Variants in SPATA13 observed in about 807,000 individuals in gnomAD.
SPATA13 encodes spermatogenesis associated 13.
SPATA13 carries 50 observed loss-of-function variants against 104.0 expected under a neutral mutation model. The ratio of observed to expected loss-of-function variants is 0.48; its 90% CI spans 0.38 to 0.61. The LOEUF (loss-of-function observed/expected upper bound fraction) is 0.61, where lower values mean the gene tolerates loss of function less well. Ranked by LOEUF, SPATA13 falls within the 20% of genes least tolerant of loss-of-function variation. The pLI is 0.00. For synonymous variants in SPATA13, 606 were observed against 667.5 expected, an observed-to-expected ratio of 0.91 and a Z score of 1.42; for missense variants, 1,524 against 1,690.6, an observed-to-expected ratio of 0.90 and a Z score of 1.73.
chr13:24,179,614 C>CTGG lies in SPATA13; in HGVS notation c.-112+18682_-112+18683insTGG, dbSNP rs1346048520. 2.0e-5 allele frequency among the ~76,000 whole-genome samples: 3 copies of CTGG among 152,246 alleles called. No individual in the cohort carries two copies. In the East Asian group the frequency reaches 5.8e-4, roughly 29 times the overall value. On this transcript the variant is annotated intron_variant, in intron 1 of 12. Transcript: ENST00000382108. Reference sequence around the variant, plus strand: ...GATTAAATGCAAGTCCCTATTTATCCCACTCCCAGCCCCTGGCAACCTCTA... The same window carrying CTGG: ...GATTAAATGCAAGTCCCTATTTATCCTGGCACTCCCAGCCCCTGGCAACCTCTA...
At chr13:24,048,602 G>T (rs542219605) in intron 3 of SPATA13, among the ~76,000 whole-genome samples, 1 of 151,670 alleles carries the variant, frequency 6.6e-6, no homozygotes, top group African/African-American at 2.4e-5. Context: ...CTAAAATTCA[G>T]TTAGGTTCTT....
intron 4 of SPATA13, among the ~76,000 whole-genome samples, chr13:24,278,390 G>A (rs1271910240): frequency 6.6e-6 from 1 of 152,092 alleles, no homozygotes. Flanking sequence ...GCTTAAATCA[G>A]TGCCTAGCAC....
In SPATA13 at chr13:24,133,093, CG is replaced by C. The variant is rs1191929361; in HGVS notation, c.-111-89725del. 2.0e-5 allele frequency among the ~76,000 whole-genome samples: 3 copies of C among 152,294 alleles called. No homozygotes were observed. The East Asian group carries it at 5.8e-4, about 29-fold the overall frequency. ...AGCCAACATTAGCAATGGATTCCCA[CG>C]TATTTCCAGCGGGCAGGTGGGTCCA... On this transcript the variant is annotated intron_variant, in intron 3 of 14. Transcript: ENST00000424834.
upstream of SPATA13, among the ~76,000 whole-genome samples, chr13:24,158,114 C>T (rs1882317573): frequency 6.6e-6 from 1 of 152,216 alleles, no homozygotes; most frequent in African/African-American, 2.4e-5. Context: ...TCCTTAGACA[C>T]TCTCCTGCAG....
intron 2 of SPATA13, among the ~76,000 whole-genome samples, chr13:24,239,750 G>A (rs1872745148): frequency 1.4e-5 from 2 of 140,550 alleles, no homozygotes; most frequent in Admixed American, 7.2e-5. Flanking sequence ...CATATTCAGA[G>A]CTAAAATATG....
chr13:24,296,726 C>T lies in SPATA13; in HGVS notation c.3211-637C>T, dbSNP rs1876808848. 1.3e-5 allele frequency among the ~76,000 whole-genome samples: 2 copies of T among 152,092 alleles called. 1 individual carries two copies. The highest frequency in any genetic ancestry group is 4.1e-4 in the South Asian group (2 of 4,822). On this transcript the variant is annotated intron_variant, in intron 10 of 12. Coordinates refer to ENST00000382108, the MANE Select transcript of SPATA13 (RefSeq NM_001166271.3). ...TCTTGACTGGGTTCCATTAATTCAG[C>T]ATGCCTCTTACCAGAGGCTTCAGGC...
chr13:24,008,170 G>A (rs141475169), intron 2 of SPATA13, among the ~76,000 whole-genome samples: 126 of 152,312 alleles, frequency 8.3e-4, no homozygotes, highest in East Asian at 2.9e-3. Context: ...GTGTGCCCTC[G>A]GGTCATTTAT....
At chr13:24,062,144 A>G (rs1352737480) in intron 3 of SPATA13, among the ~76,000 whole-genome samples, 1 of 152,216 alleles carries the variant, frequency 6.6e-6, no homozygotes, top group Admixed American at 6.5e-5. Context: ...GAATTCTAAC[A>G]GGTCTGTTTG....
intron 1 of SPATA13, among the ~76,000 whole-genome samples, chr13:24,219,170 A>G (rs1461897211): frequency 2.0e-5 from 3 of 152,180 alleles, no homozygotes; most frequent in Non-Finnish European, 4.4e-5. Flanking sequence ...AAAACCACTA[A>G]TTGAATTGCA....
At chr13:24,104,937 A>G (rs2137806151) in intron 3 of SPATA13, among the ~76,000 whole-genome samples, 1 of 152,216 alleles carries the variant, frequency 6.6e-6, no homozygotes, top group Admixed American at 6.5e-5. Context: ...CTTTTCTAGA[A>G]TGGTGTCATC....
chr13:24,292,118 G>C (rs1293238423), intron 9 of SPATA13, among the ~76,000 whole-genome samples: 1 of 152,208 alleles, frequency 6.6e-6, no homozygotes, highest in Non-Finnish European at 1.5e-5. Context: ...TTGTTCCCTA[G>C]CTATATGATC....
At chr13:24,001,538 G>A (rs1334331995) in intron 2 of SPATA13, among the ~76,000 whole-genome samples, 1 of 151,962 alleles carries the variant, frequency 6.6e-6, no homozygotes, top group African/African-American at 2.4e-5. Context: ...GGGTGGCCGG[G>A]CTGGCTGCCG....
intron 2 of SPATA13, among the ~76,000 whole-genome samples, chr13:23,994,965 A>AC (rs1271166203): frequency 2.0e-5 from 3 of 152,146 alleles, no homozygotes; most frequent in African/African-American, 7.2e-5. Flanking sequence ...TTTACCTCCC[A>AC]GGGGACATCT....
In SPATA13 at chr13:24,011,704, G is replaced by A. The variant is rs882554; in HGVS notation, c.-146-5963G>A. ...CTCTAACTCTACTAGTTAAGCAGGAGCCTGGGAGTCTCCAACATCCTTCCT... is the reference window on the plus strand; with the variant it reads ...CTCTAACTCTACTAGTTAAGCAGGAACCTGGGAGTCTCCAACATCCTTCCT... On this transcript the variant is annotated intron_variant, in intron 2 of 14. Coordinates refer to the SPATA13 transcript ENST00000424834. The surrounding 1 kb of genome is among the most constrained non-coding windows in gnomAD (Gnocchi z 4.3). Among the ~76,000 whole-genome samples the A allele has an allele frequency of 0.23, 35,597 of 152,188 alleles. 5,262 individuals carry two copies. The highest frequency in any genetic ancestry group is 0.32 in the Non-Finnish European group (21,694 of 67,964).
intron 3 of SPATA13, among the ~76,000 whole-genome samples, chr13:24,119,307 G>GA (rs112594358): frequency 0.011 from 1,673 of 150,382 alleles, 36 homozygotes; most frequent in African/African-American, 0.038. Context: ...GTGGGCCCAG[G>GA]AAAAAAAAGG....
intron 4 of SPATA13, among the ~76,000 whole-genome samples, chr13:24,268,454 C>T (rs1593477880): frequency 6.6e-6 from 1 of 152,238 alleles, no homozygotes; most frequent in East Asian, 1.9e-4. Flanking sequence ...TCTTTTAAAT[C>T]ATCTTTTTAA....
chr13:24,280,326 C>T (rs1875400217), intron 4 of SPATA13, among the ~76,000 whole-genome samples: 1 of 152,174 alleles, frequency 6.6e-6, no homozygotes. Flanking sequence ...TACATGATTA[C>T]AACCAGCTTT....
intron 3 of SPATA13, among the ~76,000 whole-genome samples, chr13:24,084,212 G>A (rs1289981933): frequency 3.9e-5 from 6 of 152,166 alleles, no homozygotes; most frequent in South Asian, 2.1e-4. Flanking sequence ...ATTTAAATGC[G>A]TTGGGGAGAT....
At chr13:24,071,401 G>A (rs1033839657) in intron 3 of SPATA13, among the ~76,000 whole-genome samples, 1 of 152,174 alleles carries the variant, frequency 6.6e-6, no homozygotes, top group Admixed American at 6.5e-5. Context: ...TTGGTGCAAG[G>A]CATTAGAGTG....
Sources: gnomAD v4.1 joint callset for allele counts (sites outside exome capture counted in the v4.1 genomes callset) on GRCh38, gnomAD v4.1.1 for gene constraint, Gnocchi (gnomAD v3.1) non-coding constraint, MANE v1.5 for transcripts, NCBI Gene and HGNC (gene_info 2026-07-23, HGNC 2026-07-21) for gene names.